Variants in STIM1 observed in about 807,000 individuals in gnomAD.
The protein encoded by STIM1 is stromal interaction molecule 1.
In STIM1, 25 loss-of-function variants were observed where a neutral mutation model predicts 74.7. The observed-to-expected ratio is 0.33, with a 90% CI of 0.24 to 0.47. The LOEUF (loss-of-function observed/expected upper bound fraction) is 0.47, where lower values mean the gene tolerates loss of function less well. Among genes scored for constraint, STIM1 ranks in the 20% least tolerant of loss-of-function variants. The probability of loss-of-function intolerance (pLI) is 1.00; values close to 1 mark genes in which losing one functional copy is unlikely to be tolerated. For synonymous variants in STIM1, 328 were observed against 348.8 expected (o/e 0.94, Z 0.66); for missense variants, 728 against 920.8 (o/e 0.79, Z 2.71).
At chr11:3,938,518 TA>T (rs1347475496) in intron 1 of STIM1, among the ~76,000 whole-genome samples, 1 of 152,048 alleles carries the variant, frequency 6.6e-6, no homozygotes, top group Non-Finnish European at 1.5e-5. Context: ...TTCTAAACAT[TA>T]AAAGGGACTG....
intron 3 of STIM1, among the ~76,000 whole-genome samples, chr11:4,026,489 T>G (rs979535189): frequency 6.6e-6 from 1 of 152,206 alleles, no homozygotes; most frequent in Non-Finnish European, 1.5e-5. Context: ...TTATACAGAG[T>G]TAGCACAGAC....
At chr11:4,004,198 T>A (rs2093752436) in intron 2 of STIM1, among the ~76,000 whole-genome samples, 2 of 152,136 alleles carry the variant, frequency 1.3e-5, no homozygotes, top group South Asian at 4.1e-4. Flanking sequence ...GCCATCCCCA[T>A]CAAACTACCA....
intron 2 of STIM1, among the ~76,000 whole-genome samples, chr11:3,987,102 A>G (rs1202759298): frequency 6.6e-6 from 1 of 151,978 alleles, no homozygotes; most frequent in Non-Finnish European, 1.5e-5. Context: ...CATATTCTTT[A>G]TTCTTGTTTA....
At chr11:3,933,694 C>A (rs997231812) in intron 1 of STIM1, among the ~76,000 whole-genome samples, 1 of 151,556 alleles carries the variant, frequency 6.6e-6, no homozygotes, top group African/African-American at 2.4e-5. Context: ...TCTCTCTCTT[C>A]CCCGCCGCCC....
At chr11:3,932,666 G>GAAA (rs57059104) in intron 1 of STIM1, among the ~76,000 whole-genome samples, 3 of 86,970 alleles carry the variant, frequency 3.4e-5, no homozygotes, top group Non-Finnish European at 4.5e-5. Context: ...TGTCTCAAAG[G>GAAA]AAAAAAAAAA....
intron 2 of STIM1, among the ~76,000 whole-genome samples, chr11:4,003,092 A>G (rs1388497900): frequency 2.6e-3 from 378 of 147,830 alleles, no homozygotes; most frequent in African/African-American, 8.7e-3. Context: ...TGTGGCAATA[A>G]TCAATAGCTT....
At chr11:3,925,054 A>G (rs922764258) in intron 1 of STIM1, among the ~76,000 whole-genome samples, 2 of 152,220 alleles carry the variant, frequency 1.3e-5, no homozygotes, top group Admixed American at 6.5e-5. Flanking sequence ...ACAATATTTA[A>G]TATATATTTT....
intron 2 of STIM1, among the ~76,000 whole-genome samples, chr11:4,007,015 G>A (rs192836479): frequency 2.0e-5 from 3 of 152,158 alleles, no homozygotes; most frequent in African/African-American, 7.2e-5. Flanking sequence ...GGCCTATTTT[G>A]TAGAAATTAT....
chr11:3,989,658 A>T (rs543441490), intron 2 of STIM1, among the ~76,000 whole-genome samples: 18 of 152,352 alleles, frequency 1.2e-4, no homozygotes, highest in African/African-American at 4.1e-4. Context: ...GAATTTCAAG[A>T]TGTGAAATTT....
At chr11:4,059,445 C>A in intron 5 of STIM1, 49 bp downstream of exon 5, 1 of 1,524,264 alleles carries the variant, frequency 6.6e-7, no homozygotes, top group Non-Finnish European at 9.1e-7. Context: ...GAAACCAAAG[C>A]TGTTGTAGTG....
chr11:3,953,714 A>G (rs2093176808), intron 1 of STIM1, among the ~76,000 whole-genome samples: 2 of 152,168 alleles, frequency 1.3e-5, no homozygotes, highest in South Asian at 4.2e-4. Context: ...TGTGATCTCA[A>G]CATCCATTAT....
chr11:4,059,313 C>T lies in STIM1; in HGVS notation c.530C>T (p.Thr177Ile), dbSNP rs761973338. Residue 177 changes from threonine (T) to isoleucine (I), a missense_variant, in exon 5 of 13, where the codon ACT becomes ATT. This residue lies in a region of STIM1 where 132 missense variants were observed against 158.2 expected (regional missense o/e 0.83). Transcript: ENST00000526596. ...GTCACCAACACCACCATGACAGGGA[C>T]TGTGCTGAAGATGACAGACCGGAGT... ...LAVTNTTMTG[T>I]VLKMTDRSHR... The T allele has an allele frequency of 1.3e-5, 21 of 1,613,990 alleles. No homozygotes were observed. The East Asian group carries it at 4.5e-4, about 34-fold the overall frequency.
intron 1 of STIM1, among the ~76,000 whole-genome samples, chr11:3,962,223 C>T (rs1309047030): frequency 2.0e-5 from 3 of 152,126 alleles, no homozygotes; most frequent in African/African-American, 7.2e-5. Context: ...TTTCTTGTCC[C>T]TTACCGTCCT....
intron 3 of STIM1, among the ~76,000 whole-genome samples, chr11:4,052,692 T>C (rs2094253343): frequency 6.6e-6 from 1 of 152,098 alleles, no homozygotes; most frequent in African/African-American, 2.4e-5. Flanking sequence ...GGACTTCATG[T>C]CTAAAACACC....
intron 2 of STIM1, among the ~76,000 whole-genome samples, chr11:3,979,014 C>G (rs953954578): frequency 6.6e-6 from 1 of 152,102 alleles, no homozygotes; most frequent in African/African-American, 2.4e-5. Flanking sequence ...GGGAGCTAAA[C>G]TCTGAGGGGA....
rs1325176662 is a variant in STIM1 at position 4,055,499 on chromosome 11, C to A, written c.386-27C>A. ...AAAGCAGTGCTTGGCATTCTAGAGTCATGGCTTTGCTTGTCTCTTTTCACA... is the reference window on the plus strand; with the variant it reads ...AAAGCAGTGCTTGGCATTCTAGAGTAATGGCTTTGCTTGTCTCTTTTCACA... On this transcript the variant is annotated intron_variant, in intron 3 of 12. Coordinates refer to ENST00000526596, the MANE Select transcript of STIM1 (RefSeq NM_001382567.1). 3 of 1,542,090 alleles carry A rather than the reference C, an allele frequency of 1.9e-6. No homozygotes were observed. The South Asian group carries it at 3.5e-5, about 18-fold the overall frequency.
intron 1 of STIM1, among the ~76,000 whole-genome samples, chr11:3,952,318 C>G (rs2093159426): frequency 6.6e-6 from 1 of 151,938 alleles, no homozygotes; most frequent in South Asian, 2.1e-4. Flanking sequence ...GAGGCTGAGC[C>G]TGGGAGGTGG....
chr11:3,875,791 C>T (rs767711930), intron 1 of STIM1, among the ~76,000 whole-genome samples: 6 of 150,668 alleles, frequency 4.0e-5, no homozygotes, highest in East Asian at 1.9e-4. Context: ...ATAGTTAAAA[C>T]GCCTTTAGTG....
At chr11:3,964,339 G>A (rs2093319500) in intron 1 of STIM1, among the ~76,000 whole-genome samples, 1 of 152,210 alleles carries the variant, frequency 6.6e-6, no homozygotes, top group South Asian at 2.1e-4. Context: ...TTGGTTGAAG[G>A]AATTATTTGT....
Sources: gnomAD v4.1 joint callset for allele counts (sites outside exome capture counted in the v4.1 genomes callset) on GRCh38, gnomAD v4.1.1 for gene constraint, gnomAD v4.1.1 regional missense constraint, MANE v1.5 for transcripts, NCBI Gene and HGNC (gene_info 2026-07-23, HGNC 2026-07-21) for gene names.